The following PTPRD variants were observed in gnomAD, a reference collection of about 807,000 sequenced individuals.
PTPRD encodes receptor-type tyrosine-protein phosphatase delta.
In PTPRD, 34 loss-of-function variants were observed where a neutral mutation model predicts 214.5. The observed-to-expected ratio is 0.16, with a 90% CI of 0.12 to 0.21. The LOEUF (loss-of-function observed/expected upper bound fraction) is 0.21. PTPRD is among the 10% of genes least tolerant of loss of function. The pLI is 1.00. For missense variants in PTPRD, 2,545 were observed against 2,398.7 expected, an observed-to-expected ratio of 1.06 and a Z score of -1.27; for synonymous variants, 1,128 against 845.7, an observed-to-expected ratio of 1.33 and a Z score of -5.79.
At position 9,817,407 on chromosome 9, in the gene PTPRD, A is replaced by C. The variant is rs112295860; in HGVS notation, c.-367-50556T>G. ...GACTTTCAACACGAAAAGTGGAAGT[A>C]AGTTGGTTATTTATAGATATTTAAT... On this transcript the variant is annotated intron_variant, in intron 5 of 45. Transcript: ENST00000381196. Among the ~76,000 whole-genome samples the C allele has an allele frequency of 1.7e-3, 259 of 152,266 alleles. 1 individual carries two copies. Among genetic ancestry groups the C allele is most frequent in the African/African-American group, 5.8e-3 (241 of 41,564 alleles).
intron 9 of PTPRD, among the ~76,000 whole-genome samples, chr9:9,367,724 G>T (rs2058271294): frequency 6.6e-6 from 1 of 151,556 alleles, no homozygotes; most frequent in South Asian, 2.1e-4. Flanking sequence ...CAATTTCCTG[G>T]GTGTGGAGAG....
At chr9:8,742,160 T>C (rs1279998275) in intron 11 of PTPRD, among the ~76,000 whole-genome samples, 1 of 152,152 alleles carries the variant, frequency 6.6e-6, no homozygotes, top group Non-Finnish European at 1.5e-5. Flanking sequence ...GCTTTAAAAT[T>C]TCCTTGATGA....
chr9:8,877,478 A>C (rs1321187421), intron 11 of PTPRD, among the ~76,000 whole-genome samples: 1 of 152,242 alleles, frequency 6.6e-6, no homozygotes, highest in Non-Finnish European at 1.5e-5. Flanking sequence ...AATTCAGAGC[A>C]ATAATAAATT....
chr9:10,559,962 G>C (rs746616055), intron 2 of PTPRD, among the ~76,000 whole-genome samples: 2 of 152,234 alleles, frequency 1.3e-5, no homozygotes, highest in Non-Finnish European at 2.9e-5. Context: ...CTGTTGGTGG[G>C]ACCGTAAACT....
chr9:8,366,833 A>G lies in PTPRD; in HGVS notation c.4661+9103T>C, dbSNP rs368945956. Among the ~76,000 whole-genome samples, 78 of 152,372 alleles carry G rather than the reference A, an allele frequency of 5.1e-4. 1 individual carries two copies. The highest frequency in any genetic ancestry group is 1.8e-3 in the African/African-American group (73 of 41,592). ...AATGTGACTAATATCATAGCACAAAAGACTAGCATTTATCAACTCCAAAGA... is the reference window on the plus strand; with the variant it reads ...AATGTGACTAATATCATAGCACAAAGGACTAGCATTTATCAACTCCAAAGA... On this transcript the variant is annotated intron_variant, in intron 39 of 45. Transcript: ENST00000381196.
At chr9:10,192,741 G>C (rs1004541815) in intron 3 of PTPRD, among the ~76,000 whole-genome samples, 4 of 152,132 alleles carry the variant, frequency 2.6e-5, no homozygotes, top group African/African-American at 9.7e-5. Flanking sequence ...AGCTCAACTA[G>C]AGAGAGATAA....
At chr9:10,563,473 T>A (rs1161856852) in intron 2 of PTPRD, among the ~76,000 whole-genome samples, 1 of 152,226 alleles carries the variant, frequency 6.6e-6, no homozygotes, top group East Asian at 1.9e-4. Flanking sequence ...TATTTGAGTA[T>A]GGAAACCAGT....
chr9:9,909,372 G>A (rs1053996738), intron 5 of PTPRD, among the ~76,000 whole-genome samples: 1 of 150,468 alleles, frequency 6.6e-6, no homozygotes, highest in Non-Finnish European at 1.5e-5. Context: ...AGATTGCTGG[G>A]GGCAGGGGCA....
intron 8 of PTPRD, among the ~76,000 whole-genome samples, chr9:9,573,049 T>C (rs2087040308): frequency 6.6e-6 from 1 of 151,694 alleles, no homozygotes; most frequent in Admixed American, 6.6e-5. Context: ...CACATGTTCC[T>C]GATATCCAAA....
chr9:9,590,665 T>A (rs2092632860), intron 7 of PTPRD, among the ~76,000 whole-genome samples: 1 of 151,904 alleles, frequency 6.6e-6, no homozygotes, highest in African/African-American at 2.4e-5. Flanking sequence ...CATAATAAAA[T>A]GATAATCATT....
chr9:8,367,072 T>G (rs960543137), intron 39 of PTPRD, among the ~76,000 whole-genome samples: 3 of 152,200 alleles, frequency 2.0e-5, no homozygotes, highest in African/African-American at 7.2e-5. Context: ...GCCAAGCGTA[T>G]GGTTTGTATG....
intron 2 of PTPRD, among the ~76,000 whole-genome samples, chr9:10,479,658 T>C (rs10756040): frequency 0.056 from 8,227 of 145,896 alleles, 617 homozygotes; most frequent in African/African-American, 0.17. Flanking sequence ...AATAAATAAA[T>C]AAACAAAAAT....
intron 3 of PTPRD, among the ~76,000 whole-genome samples, chr9:10,119,230 A>G (rs990555631): frequency 6.6e-6 from 1 of 151,986 alleles, no homozygotes; most frequent in Non-Finnish European, 1.5e-5. Flanking sequence ...ATCAAACCCA[A>G]CAATAATCCT....
At chr9:10,148,555 A>G (rs1379755880) in intron 3 of PTPRD, among the ~76,000 whole-genome samples, 1 of 152,202 alleles carries the variant, frequency 6.6e-6, no homozygotes, top group East Asian at 1.9e-4. Context: ...ATACTATGGA[A>G]TACTGATTCA....
At chr9:9,551,333 G>C (rs1230859446) in intron 8 of PTPRD, among the ~76,000 whole-genome samples, 1 of 151,898 alleles carries the variant, frequency 6.6e-6, no homozygotes, top group Non-Finnish European at 1.5e-5. Flanking sequence ...TTTAAATTAA[G>C]GGTCTCTAAT....
At chr9:9,794,008 T>A (rs973636551) in intron 5 of PTPRD, among the ~76,000 whole-genome samples, 1 of 152,002 alleles carries the variant, frequency 6.6e-6, no homozygotes, top group Non-Finnish European at 1.5e-5. Flanking sequence ...TCCACCAACA[T>A]GTATTGATCT....
At chr9:8,849,920 C>A (rs563489459) in intron 11 of PTPRD, among the ~76,000 whole-genome samples, 2 of 151,946 alleles carry the variant, frequency 1.3e-5, no homozygotes, top group Non-Finnish European at 2.9e-5. Flanking sequence ...ACAAAAACCA[C>A]CTAAGAAGCT....
intron 10 of PTPRD, among the ~76,000 whole-genome samples, chr9:9,161,003 G>C (rs1242779470): frequency 6.6e-6 from 1 of 152,096 alleles, no homozygotes; most frequent in African/African-American, 2.4e-5. Context: ...TAGAAGTAGA[G>C]AGTAAAACAA....
intron 12 of PTPRD, among the ~76,000 whole-genome samples, chr9:8,725,930 T>C (rs375991693): frequency 3.9e-5 from 6 of 151,932 alleles, no homozygotes; most frequent in African/African-American, 1.2e-4. Context: ...ATTCTGAAGA[T>C]AGATTACAGG....
Sources: allele counts gnomAD v4.1 joint callset (sites outside exome capture counted in the v4.1 genomes callset), GRCh38; gene constraint gnomAD v4.1.1; transcripts MANE v1.5; gene names NCBI Gene and HGNC (gene_info 2026-07-23, HGNC 2026-07-21).